Variants in SMCHD1 observed in about 807,000 individuals in gnomAD.
The protein encoded by SMCHD1 is structural maintenance of chromosomes flexible hinge domain-containing protein 1.
Under a neutral mutation model 254.7 loss-of-function variants are expected in SMCHD1, and 78 were observed. The ratio of observed to expected loss-of-function variants is 0.31; its 90% CI spans 0.26 to 0.37. The LOEUF (loss-of-function observed/expected upper bound fraction) is 0.37. SMCHD1 is among the 10% of genes least tolerant of loss of function. The pLI is 1.00. For synonymous variants in SMCHD1, 766 were observed against 794.9 expected (o/e 0.96, Z 0.61); for missense variants, 1,840 against 2,408.1 (o/e 0.76, Z 4.94).
At position 2,677,387 on chromosome 18, in the gene SMCHD1, T is replaced by G. The variant is rs185390118; in HGVS notation, c.638+3242T>G. 2.0e-5 allele frequency among the ~76,000 whole-genome samples: 3 copies of G among 152,334 alleles called. No homozygotes were observed. The East Asian group carries it at 5.8e-4, about 29-fold the overall frequency. On this transcript the variant is annotated intron_variant, in intron 5 of 47. Transcript: ENST00000320876. ...TAATCTTGAGGTAAAATTCACATAT[T>G]ATACAGTTAATTGCTTGTATCTGTC...
rs1459805300 is a variant in SMCHD1, at chr18:2,775,913, A to G, written c.5355A>G (p.Pro1785=). Reference sequence around the variant, plus strand: ...ATTCTATTTACAAGAAGACTCTTCCAGATTGGAAAAGGTTAGAAAAAAGTG... The same window carrying G: ...ATTCTATTTACAAGAAGACTCTTCCGGATTGGAAAAGGTTAGAAAAAAGTG... ...PLDSIYKKTL[P]DWKRSLPHFR... The change falls in exon 42 of 48, where the codon CCA becomes CCG. Residue 1785 remains proline (P), a synonymous_variant. Transcript: ENST00000320876. 1 of 1,580,964 alleles carries G rather than the reference A, an allele frequency of 6.3e-7. No homozygotes were observed. Among genetic ancestry groups the G allele is most frequent in the South Asian group, 1.2e-5 (1 of 83,844 alleles).
chr18:2,736,991 T>C lies in SMCHD1; in HGVS notation c.3277-1406T>C, dbSNP rs2075263724. ...TCACAACAGCAAAGACATAGGTGCC[T>C]GTCGGTAGTAGATTGGATAAAGAAA... On this transcript the variant is annotated intron_variant, in intron 25 of 47. Transcript: ENST00000320876. 3.3e-5 allele frequency among the ~76,000 whole-genome samples: 5 copies of C among 152,280 alleles called. No homozygotes were observed. In the South Asian group the frequency reaches 1.0e-3, roughly 32 times the overall value.
intron 44 of SMCHD1, among the ~76,000 whole-genome samples, chr18:2,783,055 A>G (rs1242781475): frequency 3.9e-5 from 6 of 152,142 alleles, no homozygotes; most frequent in African/African-American, 1.2e-4. Context: ...TTTAGCCCCA[A>G]TATTAGGTTG....
chr18:2,791,353 A>T (rs1458168689), intron 45 of SMCHD1, among the ~76,000 whole-genome samples: 1 of 152,168 alleles, frequency 6.6e-6, no homozygotes, highest in Non-Finnish European at 1.5e-5. Context: ...ACTTTGGGAG[A>T]CCAAGATGGG....
chr18:2,748,342 T>TTG (rs1199860810), intron 30 of SMCHD1, among the ~76,000 whole-genome samples: 6,077 of 78,068 alleles, frequency 0.078, 530 homozygotes, highest in Non-Finnish European at 0.1. Flanking sequence ...CTTTGCAAAG[T>TTG]TGTGTGTGTG....
In SMCHD1 at chr18:2,804,568, T is replaced by C. The variant is rs2076414833; in HGVS notation, c.*2016T>C. 2 of 152,312 alleles carry C rather than the reference T, an allele frequency of 1.3e-5. No homozygotes were observed. The highest frequency in any genetic ancestry group is 4.1e-4 in the South Asian group (2 of 4,824). The allele number at this position is 152,312 out of a possible 1,614,324, so 9.4% of individuals were successfully genotyped here. ...AAGGTTTTTAAGTATGAATCTCCAT[T>C]TTTGTGGAGTTTTTCTACCCTGTAA... On this transcript the variant is annotated 3_prime_UTR_variant, in exon 48 of 48. Transcript: ENST00000320876.
chr18:2,740,830 A>G lies in SMCHD1; in HGVS notation c.3633+9A>G. On this transcript the variant is annotated intron_variant, in intron 28 of 47. Coordinates refer to ENST00000320876, the MANE Select transcript of SMCHD1 (RefSeq NM_015295.3). ...TGAAAACAACCTTTCAGGTATGGCT[A>G]CTTTCTATACCATTTTGGTTTGATT... 4.7e-6 allele frequency: 7 copies of G among 1,505,076 alleles called. No homozygotes were observed. The highest frequency in any genetic ancestry group is 1.4e-5 in the African/African-American group (1 of 72,550). 93.2% of individuals were successfully genotyped at this position (1,505,076 alleles called of 1,614,324 possible).
At chr18:2,739,875 A>G (rs1411000703) in intron 27 of SMCHD1, among the ~76,000 whole-genome samples, 1 of 152,106 alleles carries the variant, frequency 6.6e-6, no homozygotes, top group Non-Finnish European at 1.5e-5. Flanking sequence ...GCCTGAGCCA[A>G]GGGGTTTGAG....
intron 1 of SMCHD1, among the ~76,000 whole-genome samples, chr18:2,662,667 C>CAA (rs745838636): frequency 0.017 from 607 of 35,562 alleles, 6 homozygotes; most frequent in Non-Finnish European, 0.02. Flanking sequence ...AACAAAAAAC[C>CAA]AAAAAAAAAA....
intron 45 of SMCHD1, among the ~76,000 whole-genome samples, chr18:2,786,074 C>A (rs1206463076): frequency 6.6e-6 from 1 of 151,822 alleles, no homozygotes; most frequent in Non-Finnish European, 1.5e-5. Context: ...AGTGCAGTGG[C>A]ACAATCTCAG....
intron 34 of SMCHD1, among the ~76,000 whole-genome samples, chr18:2,756,992 AT>A (rs2143659285): frequency 6.6e-6 from 1 of 152,144 alleles, no homozygotes; most frequent in East Asian, 1.9e-4. Context: ...TTTAAAATAT[AT>A]TTTATGTGTT....
chr18:2,763,908 G>T (rs1408586384), intron 37 of SMCHD1, 119 bp downstream of exon 37: 3 of 915,660 alleles, frequency 3.3e-6, no homozygotes, highest in Non-Finnish European at 4.8e-6. Flanking sequence ...GCACTAAATT[G>T]GGAAGTCAGC....
At chr18:2,800,825 C>T (rs2076348172) in intron 47 of SMCHD1, 1 of 152,130 alleles carries the variant, frequency 6.6e-6, no homozygotes, top group African/African-American at 2.4e-5. Context: ...GTACAACTAA[C>T]AGTCATCACA....
intron 3 of SMCHD1, among the ~76,000 whole-genome samples, chr18:2,672,589 G>A (rs1208406971): frequency 1.3e-5 from 2 of 152,190 alleles, no homozygotes; most frequent in Non-Finnish European, 2.9e-5. Flanking sequence ...ATTAAGATAC[G>A]TAAATTTGAT....
rs1392914128 is a variant in SMCHD1, at chr18:2,740,772, C to A, written c.3584C>A (p.Ser1195Ter). 10 of 1,611,678 alleles carry A rather than the reference C, an allele frequency of 6.2e-6. No individual in the cohort carries two copies. The highest frequency in any genetic ancestry group is 8.5e-6 in the Non-Finnish European group (10 of 1,178,600). Residue 1195 changes from serine (S) to a stop codon, truncating the protein, a stop_gained, in exon 28 of 48, where the codon TCA (serine) becomes TAA (stop). Coordinates refer to ENST00000320876, the MANE Select transcript of SMCHD1 (RefSeq NM_015295.3). LOFTEE classifies it high-confidence loss of function. ...TCACCAAGTTCTTTATCTTCTTTGT[C>A]AATTGCTGGGGTTGGACTTGATAGC... ...AFSPSSLSSL[S>*]IAGVGLDSSN...
chr18:2,657,567 T>C (rs538729051), intron 1 of SMCHD1, among the ~76,000 whole-genome samples: 11 of 152,308 alleles, frequency 7.2e-5, no homozygotes, highest in Admixed American at 3.3e-4. Context: ...AGTAAATCTT[T>C]TACTCGCTGT....
chr18:2,790,502 G>T (rs961202168), intron 45 of SMCHD1, among the ~76,000 whole-genome samples: 1 of 152,178 alleles, frequency 6.6e-6, no homozygotes, highest in Non-Finnish European at 1.5e-5. Context: ...GCTCAGGCCT[G>T]TAATCCCAGC....
At chr18:2,753,871 T>A (rs2075622044) in intron 34 of SMCHD1, among the ~76,000 whole-genome samples, 1 of 152,064 alleles carries the variant, frequency 6.6e-6, no homozygotes, top group South Asian at 2.1e-4. Flanking sequence ...CCAACACGGT[T>A]TTGTGGGTCT....
At chr18:2,727,061 G>A (rs1225062960) in intron 22 of SMCHD1, 6 of 152,868 alleles carry the variant, frequency 3.9e-5, no homozygotes, top group African/African-American at 1.4e-4. Context: ...TTCTTCATGT[G>A]TAAAATGAGA....
Sources: gnomAD v4.1 joint callset for allele counts (sites outside exome capture counted in the v4.1 genomes callset) on GRCh38, gnomAD v4.1.1 for gene constraint, MANE v1.5 for transcripts, NCBI Gene and HGNC (gene_info 2026-07-23, HGNC 2026-07-21) for gene names.